DNM1: variants seen among roughly 807,000 people sequenced by gnomAD.
The protein encoded by DNM1 is dynamin 1.
A neutral mutation model predicts 104.6 loss-of-function variants in DNM1; 29 were observed. That is an observed-to-expected ratio of 0.28 (90% CI 0.21 to 0.38). DNM1 has a LOEUF of 0.38. DNM1 is among the 10% of genes least tolerant of loss of function. The probability of loss-of-function intolerance (pLI) is 1.00; values close to 1 mark genes in which losing one functional copy is unlikely to be tolerated. For synonymous variants in DNM1, 445 were observed against 475.8 expected (o/e 0.94, Z 0.84); for missense variants, 640 against 1,189.4 (o/e 0.54, Z 6.79).
rs891922387 is a variant in DNM1 at position 128,218,410 on chromosome 9, G to A, written c.235+106G>A. On this transcript the variant is annotated intron_variant, in intron 2 of 21. Transcript: ENST00000372923. This position sits in a 1 kb window ranked among gnomAD's most constrained non-coding sequence, Gnocchi z 4.8. ...ACGAACTTGCTTGCTGTGTGACTGTGGGCCTCGTTCCCCTTAGGGATAGCG... is the reference window on the plus strand; with the variant it reads ...ACGAACTTGCTTGCTGTGTGACTGTAGGCCTCGTTCCCCTTAGGGATAGCG... 2 of 1,460,630 alleles carry A rather than the reference G, an allele frequency of 1.4e-6. No homozygotes were observed. Among genetic ancestry groups the A allele is most frequent in the South Asian group, 2.3e-5 (2 of 87,758 alleles). The allele number at this position is 1,460,630 out of a possible 1,614,324, so 90.5% of individuals were successfully genotyped here.
intron 10 of DNM1, chr9:128,231,855 C>A (rs1057402295): frequency 3.4e-5 from 12 of 348,246 alleles, no homozygotes; most frequent in African/African-American, 2.4e-4. Flanking sequence ...GGAGAGTCAG[C>A]GGACAGCGGC....
chr9:128,238,677 G>A (rs1334341415), intron 11 of DNM1, among the ~76,000 whole-genome samples: 4 of 146,214 alleles, frequency 2.7e-5, no homozygotes, highest in Non-Finnish European at 4.5e-5. Context: ...TTCTTTTGAG[G>A]TGGAGTCTCA....
At position 128,224,260 on chromosome 9, in the gene DNM1, G is replaced by T; in HGVS notation, c.1206G>T (p.Leu402=). 1 of 1,613,788 alleles carries T rather than the reference G, an allele frequency of 6.2e-7. No homozygotes were observed. Residue 402 remains leucine, a synonymous_variant, in exon 10 of 22, where the codon CTG becomes CTT. Coordinates refer to ENST00000372923, the MANE Select transcript of DNM1 (RefSeq NM_004408.4). The surrounding 1 kb of genome is among the most constrained non-coding windows in gnomAD (Gnocchi z 4.3). ...IKNIHGIRTG[L]FTPDMAFETI... Reference sequence around the variant, plus strand: ...CGCTCCGGGCGTTCAGAACGGGGCTGTTTACCCCAGACATGGCCTTTGAGA... The same window carrying T: ...CGCTCCGGGCGTTCAGAACGGGGCTTTTTACCCCAGACATGGCCTTTGAGA...
Position 128,250,842 on chromosome 9 carries a change from G to GC in DNM1, c.2442dup (p.Val815ArgfsTer10). 1 of 1,295,828 alleles carries GC rather than the reference G, an allele frequency of 7.7e-7. No homozygotes were observed. The allele number at this position is 1,295,828 out of a possible 1,614,324, so 80.3% of individuals were successfully genotyped here. A position where few individuals can be genotyped will look rare whatever the true frequency, so the allele number is the denominator to read the frequency against. On this transcript the variant is annotated frameshift_variant, in exon 21 of 22. Coordinates refer to ENST00000372923, the MANE Select transcript of DNM1 (RefSeq NM_004408.4). LOFTEE classifies it high-confidence loss of function. ...CTGCTGGGTCCGCCCTGGGGGGGGC[G>GC]CCCCCCGTGCCCTCCAGGCCGGGGG...
chr9:128,243,755 G>A lies in DNM1; in HGVS notation c.1671+1410G>A, dbSNP rs937394496. 6.6e-6 allele frequency among the ~76,000 whole-genome samples: 1 copy of A among 152,168 alleles called. No homozygotes were observed. Among genetic ancestry groups the A allele is most frequent in the African/African-American group, 2.4e-5 (1 of 41,436 alleles). On this transcript the variant is annotated intron_variant, in intron 15 of 21. Transcript: ENST00000372923. This position sits in a 1 kb window ranked among gnomAD's most constrained non-coding sequence, Gnocchi z 4.0. ...ACCTGGGGCTGAGGGCCGGAGACCG[G>A]GTGACACTGTGGGGGAGGGGCACGT...
chr9:128,239,908 C>A, intron 13 of DNM1, 77 bp from the exon 14 acceptor site: 1 of 1,593,396 alleles, frequency 6.3e-7, no homozygotes, highest in Non-Finnish European at 8.6e-7. Context: ...CAGCCACAAG[C>A]CTCCCACTCT....
At chr9:128,223,092 G>A (rs943065719) in intron 9 of DNM1, 35 of 539,698 alleles carry the variant, frequency 6.5e-5, no homozygotes, top group East Asian at 9.6e-5. Context: ...AGCCCAGGGC[G>A]CAGGTGGCCG....
At position 128,218,268 on chromosome 9, in the gene DNM1, C is replaced by T. The variant is rs199575353; in HGVS notation, c.199C>T (p.Arg67Cys). Residue 67 changes from arginine to cysteine, a missense_variant, in exon 2 of 22, where the codon CGT becomes TGT. By Grantham distance (180) the Arg-to-Cys change is radical. Transcript: ENST00000372923. The surrounding 1 kb of genome is among the most constrained non-coding windows in gnomAD (Gnocchi z 4.8). ...TCGAGGATCTGGCATTGTCACCCGA[C>T]GTCCCCTGGTCTTGCAGCTGGTCAA... ...LPRGSGIVTR[R>C]PLVLQLVNAT... 2.2e-5 allele frequency: 36 copies of T among 1,613,996 alleles called. No homozygotes were observed. The highest frequency in any genetic ancestry group is 3.0e-5 in the Non-Finnish European group (35 of 1,180,020).
chr9:128,235,309 C>T (rs368056828), intron 11 of DNM1, among the ~76,000 whole-genome samples: 1 of 152,004 alleles, frequency 6.6e-6, no homozygotes, highest in Non-Finnish European at 1.5e-5. Context: ...GCCTGGCCAA[C>T]ATGGTGAAAC....
chr9:128,254,447 C>A lies in DNM1; in HGVS notation c.2535-207C>A. Reference sequence around the variant, plus strand: ...CAGCCCCCAGGCGCTATCTGTGAAGCTACGGCTCCTCCCTCCATCTTCCTC... The same window carrying A: ...CAGCCCCCAGGCGCTATCTGTGAAGATACGGCTCCTCCCTCCATCTTCCTC... On this transcript the variant is annotated intron_variant, in intron 21 of 21. Coordinates refer to ENST00000372923, the MANE Select transcript of DNM1 (RefSeq NM_004408.4). This position sits in a 1 kb window ranked among gnomAD's most constrained non-coding sequence, Gnocchi z 6.1. 6.8e-7 allele frequency: 1 copy of A among 1,472,832 alleles called. No individual in the cohort carries two copies. The highest frequency in any genetic ancestry group is 1.3e-5 in the South Asian group (1 of 74,202). 91.2% of individuals were successfully genotyped at this position (1,472,832 alleles called of 1,614,324 possible).
At position 128,254,562 on chromosome 9, in the gene DNM1, C is replaced by A. The variant is rs556722625; in HGVS notation, c.2535-92C>A. 498 of 1,585,248 alleles carry A rather than the reference C, an allele frequency of 3.1e-4. No homozygotes were observed. Among genetic ancestry groups the A allele is most frequent in the Non-Finnish European group, 3.9e-4 (459 of 1,173,848 alleles). ...CGGCCCTCCCACCACTGCTGCGGCG[C>A]GGCCGGCCCCGGCCGTGTGCTGCGC... On this transcript the variant is annotated intron_variant, in intron 21 of 21. Transcript: ENST00000372923. This position sits in a 1 kb window ranked among gnomAD's most constrained non-coding sequence, Gnocchi z 6.1.
Position 128,247,756 on chromosome 9 carries a change from C to T in DNM1, c.1894-168C>T, listed in dbSNP as rs1241495944. ...CTATGATGGTAGTTTCTTGTGACTG[C>T]CTTCTCTTTTCTCCCCTATTTCACT... On this transcript the variant is annotated intron_variant, in intron 17 of 21. Coordinates refer to ENST00000372923, the MANE Select transcript of DNM1 (RefSeq NM_004408.4). The surrounding 1 kb of genome is among the most constrained non-coding windows in gnomAD (Gnocchi z 5.1). Among the ~76,000 whole-genome samples the T allele has an allele frequency of 6.6e-6, 1 of 152,166 alleles. No individual in the cohort carries two copies. Among genetic ancestry groups the T allele is most frequent in the East Asian group, 1.9e-4 (1 of 5,192 alleles).
intron 10 of DNM1, chr9:128,233,721 A>G (rs997552160): frequency 6.2e-6 from 3 of 480,540 alleles, no homozygotes; most frequent in Non-Finnish European, 1.1e-5. Context: ...GCTCATTCCC[A>G]TGGCCTTTCT....
Position 128,218,743 on chromosome 9 carries a change from G to A in DNM1, c.385+12G>A. The A allele has an allele frequency of 6.3e-7, 1 of 1,590,638 alleles. No homozygotes were observed. The highest frequency in any genetic ancestry group is 8.6e-7 in the Non-Finnish European group (1 of 1,164,700). On this transcript the variant is annotated intron_variant, in intron 3 of 21. Coordinates refer to ENST00000372923, the MANE Select transcript of DNM1 (RefSeq NM_004408.4). This position sits in a 1 kb window ranked among gnomAD's most constrained non-coding sequence, Gnocchi z 4.8. ...CTACTCGCCGCACGGTGAGGACCCT[G>A]GCCCCGCCCTAACCTCTAAGAATCA...
chr9:128,250,454 G>A, intron 20 of DNM1, 98 bp downstream of exon 20: 8 of 1,326,090 alleles, frequency 6.0e-6, no homozygotes, highest in Non-Finnish European at 7.0e-6. Context: ...TCACCGGGGT[G>A]GCTCCCACCT....
intron 10 of DNM1, chr9:128,226,181 G>A (rs376889388): frequency 2.2e-5 from 36 of 1,612,718 alleles, no homozygotes; most frequent in East Asian, 4.5e-5. Context: ...AAGGTATGAC[G>A]GCCGCCTGGG....
At position 128,234,071 on chromosome 9, in the gene DNM1, C is replaced by T. The variant is rs372666180; in HGVS notation, c.1386C>T (p.Thr462=). 49 of 1,577,820 alleles carry T rather than the reference C, an allele frequency of 3.1e-5. No individual in the cohort carries two copies. The African/African-American group carries it at 5.5e-4, about 18-fold the overall frequency. ...AGGAGATGGAGCGCATCGTGACCAC[C>T]CACATCCGGGAGCGCGAGGGCCGCA... ...LREEMERIVT[T]HIREREGRTK... Residue 462 remains threonine, a synonymous_variant, in exon 11 of 22, where the codon ACC becomes ACT. Transcript: ENST00000372923.
chr9:128,239,861 G>T, intron 13 of DNM1, 82 bp downstream of exon 13: 1 of 1,573,238 alleles, frequency 6.4e-7, no homozygotes, highest in East Asian at 2.2e-5. Flanking sequence ...TCCCCTGAGG[G>T]GAAGGGTCCC....
In DNM1 at chr9:128,245,707, A is replaced by G. The variant is rs547764048; in HGVS notation, c.1672-687A>G. Among the ~76,000 whole-genome samples, 5 of 152,324 alleles carry G rather than the reference A, an allele frequency of 3.3e-5. No individual in the cohort carries two copies. The East Asian group carries it at 5.8e-4, about 18-fold the overall frequency. On this transcript the variant is annotated intron_variant, in intron 15 of 21. Transcript: ENST00000372923. The surrounding 1 kb of genome is among the most constrained non-coding windows in gnomAD (Gnocchi z 5.2). The stretch of plus-strand genomic sequence containing the variant: ...CTCTGCAAACATGTAGGCTCGCACA[A>G]TTGCCACACACATCCACAAAGTGTG...
Sources: gnomAD v4.1 joint callset for allele counts (sites outside exome capture counted in the v4.1 genomes callset) on GRCh38, gnomAD v4.1.1 for gene constraint, Gnocchi (gnomAD v3.1) non-coding constraint, MANE v1.5 for transcripts, NCBI Gene and HGNC (gene_info 2026-07-23, HGNC 2026-07-21) for gene names.